Variants in TMTC1 observed in about 807,000 individuals in gnomAD.
TMTC1 encodes transmembrane O-mannosyltransferase targeting cadherins 1.
Under a neutral mutation model 104.8 loss-of-function variants are expected in TMTC1, and 73 were observed. The observed-to-expected ratio is 0.70, with a 90% CI of 0.58 to 0.85. TMTC1 has a LOEUF of 0.85. TMTC1 is among the 40% of genes least tolerant of loss of function. TMTC1 has a pLI of 0.00. For missense variants in TMTC1, 1,035 were observed against 1,096.1 expected, an observed-to-expected ratio of 0.94 and a Z score of 0.79; for synonymous variants, 434 against 428.7, an observed-to-expected ratio of 1.01 and a Z score of -0.15.
intron 5 of TMTC1, among the ~76,000 whole-genome samples, chr12:29,738,284 A>C (rs1025107788): frequency 6.6e-6 from 1 of 152,232 alleles, no homozygotes; most frequent in Non-Finnish European, 1.5e-5. Flanking sequence ...CCTTATTGTT[A>C]AATGTAAACA....
rs560643432 is a variant in TMTC1 at position 29,764,060 on chromosome 12, A to G, written c.480+3838T>C. Among the ~76,000 whole-genome samples, 20 of 152,356 alleles carry G rather than the reference A, an allele frequency of 1.3e-4. 1 individual carries two copies. The highest frequency in any genetic ancestry group is 2.1e-4 in the South Asian group (1 of 4,832). The stretch of plus-strand genomic sequence containing the variant: ...TCATGGTTAGTGAAAAATATATGCA[A>G]ATGGCCAGCATGTATTTTAGCCTCA... On this transcript the variant is annotated intron_variant, in intron 2 of 17. Transcript: ENST00000539277.
chr12:29,590,486 C>A (rs1350103252), intron 7 of TMTC1, among the ~76,000 whole-genome samples: 2 of 152,138 alleles, frequency 1.3e-5, no homozygotes, highest in African/African-American at 4.8e-5. Flanking sequence ...CCCCCCTTTG[C>A]CTTTAAAAAT....
chr12:29,624,147 T>G (rs142638730), intron 6 of TMTC1, among the ~76,000 whole-genome samples: 2,017 of 152,040 alleles, frequency 0.013, 39 homozygotes, highest in African/African-American at 0.039. Flanking sequence ...GCCCAGCTAC[T>G]TTTTATATTT....
rs1938827770 is a variant in TMTC1 at position 29,641,125 on chromosome 12, C to G, written c.939-7789G>C. ...GGGTCTGAGCTCAGATATGCCCAGC[C>G]CTACCCCCACCTGATGGTCCTTCCC... On this transcript the variant is annotated intron_variant, in intron 5 of 17. Coordinates refer to ENST00000539277, the MANE Select transcript of TMTC1 (RefSeq NM_001193451.2). 4 of 152,226 alleles carry G rather than the reference C, an allele frequency of 2.6e-5. No individual in the cohort carries two copies. The South Asian group carries it at 8.3e-4, about 32-fold the overall frequency. The allele number at this position is 152,226 out of a possible 1,614,324, so 9.4% of individuals were successfully genotyped here. A position where few individuals can be genotyped will look rare whatever the true frequency, so the allele number is the denominator to read the frequency against.
chr12:29,574,725 CT>C (rs1945774586), intron 8 of TMTC1, among the ~76,000 whole-genome samples: 1 of 152,232 alleles, frequency 6.6e-6, no homozygotes, highest in South Asian at 2.1e-4. Flanking sequence ...GGCACCACCC[CT>C]ACTGGATTAG....
intron 5 of TMTC1, among the ~76,000 whole-genome samples, chr12:29,706,321 C>A (rs1342001543): frequency 6.6e-6 from 1 of 152,092 alleles, no homozygotes; most frequent in African/African-American, 2.4e-5. Context: ...ATTTGCACAG[C>A]CAAGAACATT....
rs200183665 is a variant in TMTC1 at position 29,502,015 on chromosome 12, A to T, written c.*4831T>A. 2.8e-5 allele frequency: 4 copies of T among 141,150 alleles called. No individual in the cohort carries two copies. Among genetic ancestry groups the T allele is most frequent in the Admixed American group, 1.5e-4 (2 of 13,372 alleles). The allele number at this position is 141,150 out of a possible 1,614,324, so 8.7% of individuals were successfully genotyped here. On this transcript the variant is annotated 3_prime_UTR_variant, in exon 18 of 18. Transcript: ENST00000539277. Reference sequence around the variant, plus strand: ...TTTTCCTTTTGCATCAAAAACGTCAAGAATAATCATAAAATCTTATAATAT... The same window carrying T: ...TTTTCCTTTTGCATCAAAAACGTCATGAATAATCATAAAATCTTATAATAT...
chr12:29,535,897 A>G (rs980763668), intron 11 of TMTC1: 15 of 275,906 alleles, frequency 5.4e-5, no homozygotes, highest in African/African-American at 3.4e-4. Flanking sequence ...AATTCCTCAG[A>G]AAAATATTAC....
At chr12:29,719,714 C>T (rs1361733701) in intron 5 of TMTC1, among the ~76,000 whole-genome samples, 2 of 152,346 alleles carry the variant, frequency 1.3e-5, no homozygotes, top group East Asian at 3.9e-4. Flanking sequence ...AGCTCAACTA[C>T]GACCTTACTT....
At chr12:29,627,544 T>C (rs1938066211) in intron 6 of TMTC1, among the ~76,000 whole-genome samples, 1 of 152,150 alleles carries the variant, frequency 6.6e-6, no homozygotes, top group South Asian at 2.1e-4. Flanking sequence ...CTACGGAAGT[T>C]TGTCAGTGCT....
intron 6 of TMTC1, among the ~76,000 whole-genome samples, chr12:29,630,614 T>C (rs1938248628): frequency 6.6e-6 from 1 of 152,212 alleles, no homozygotes; most frequent in Non-Finnish European, 1.5e-5. Context: ...GTTTTATGTA[T>C]TCGTAGTTTG....
intron 5 of TMTC1, among the ~76,000 whole-genome samples, chr12:29,698,204 T>G (rs1320829279): frequency 6.6e-6 from 1 of 152,184 alleles, no homozygotes; most frequent in Admixed American, 6.5e-5. Flanking sequence ...CTGGACAGAT[T>G]TCGTCACCAG....
intron 5 of TMTC1, among the ~76,000 whole-genome samples, chr12:29,663,857 G>A (rs1940150981): frequency 6.6e-6 from 1 of 152,004 alleles, no homozygotes; most frequent in Admixed American, 6.6e-5. Flanking sequence ...TGCTATGATG[G>A]CTATTTCACT....
intron 17 of TMTC1, 56 bp downstream of exon 17, chr12:29,511,987 A>G (rs573329109): frequency 1.4e-4 from 201 of 1,467,808 alleles, no homozygotes; most frequent in Non-Finnish European, 1.8e-4. Context: ...AAGAAGACAG[A>G]GAGAGAAAAC....
At chr12:29,572,037 AG>A in intron 9 of TMTC1, 67 bp downstream of exon 9, 1 of 1,233,206 alleles carries the variant, frequency 8.1e-7, no homozygotes, top group Non-Finnish European at 1.2e-6. Flanking sequence ...ATATACTGGG[AG>A]GGCCAAGTGA....
Position 29,532,773 on chromosome 12 carries a change from T to G in TMTC1, c.1785+3436A>C, listed in dbSNP as rs997403392. The G allele has an allele frequency of 1.2e-4, 19 of 152,186 alleles. 1 individual carries two copies. The highest frequency in any genetic ancestry group is 6.5e-5 in the Admixed American group (1 of 15,280). The allele number at this position is 152,186 out of a possible 1,614,324, so 9.4% of individuals were successfully genotyped here. ...TTCCTTTATATATTTATATTACTTG[T>G]TTAACTGGAAACAATGTTGACACTC... On this transcript the variant is annotated intron_variant, in intron 11 of 17. Coordinates refer to ENST00000539277, the MANE Select transcript of TMTC1 (RefSeq NM_001193451.2).
intron 4 of TMTC1, among the ~76,000 whole-genome samples, chr12:29,754,213 G>A (rs940148418): frequency 3.3e-5 from 5 of 151,740 alleles, no homozygotes; most frequent in East Asian, 1.9e-4. Context: ...ACTGAGCTGC[G>A]GGACTTGTAT....
chr12:29,507,740 T>G (rs1943731193), intron 17 of TMTC1, among the ~76,000 whole-genome samples: 1 of 152,206 alleles, frequency 6.6e-6, no homozygotes, highest in Non-Finnish European at 1.5e-5. Flanking sequence ...GTCACAGCTA[T>G]TAGCTTTTTT....
intron 5 of TMTC1, among the ~76,000 whole-genome samples, chr12:29,749,939 C>T (rs751681401): frequency 6.6e-5 from 10 of 152,104 alleles, no homozygotes; most frequent in Non-Finnish European, 1.2e-4. Context: ...ACCCCCTTTC[C>T]CTCACTCAGC....
Sources: gnomAD v4.1 joint callset for allele counts (sites outside exome capture counted in the v4.1 genomes callset) on GRCh38, gnomAD v4.1.1 for gene constraint, MANE v1.5 for transcripts, NCBI Gene and HGNC (gene_info 2026-07-23, HGNC 2026-07-21) for gene names.